The following NFRKB variants were observed in gnomAD, a reference collection of about 807,000 sequenced individuals.
NFRKB encodes nuclear factor related to kappa-B-binding protein.
In NFRKB, 62 loss-of-function variants were observed where a neutral mutation model predicts 135.7. That is an observed-to-expected ratio of 0.46 (90% CI 0.37 to 0.56). The LOEUF (loss-of-function observed/expected upper bound fraction) is 0.56. Ranked by LOEUF, NFRKB falls within the 20% of genes least tolerant of loss-of-function variation. The pLI, the probability that NFRKB is intolerant of heterozygous loss-of-function variation, is 0.00. For synonymous variants in NFRKB, 678 were observed against 635.6 expected (o/e 1.07, Z -1.00); for missense variants, 1,545 against 1,662.0 (o/e 0.93, Z 1.22).
At chr11:129,869,346 G>T (rs762162699) in intron 24 of NFRKB, 148 bp downstream of exon 24, 2 of 760,826 alleles carry the variant, frequency 2.6e-6, no homozygotes, top group Non-Finnish European at 4.1e-6. Context: ...AAATCTATTT[G>T]GGGTAAACGA....
chr11:129,870,257 G>A lies in NFRKB; in HGVS notation c.2768C>T (p.Ala923Val). Residue 923 changes from alanine (A) to valine (V), a missense_variant, in exon 24 of 27, where the codon GCA (alanine) becomes GTA (valine). By Grantham distance (64) the Ala-to-Val change is moderately conservative. Transcript: ENST00000682444. ...CTTCACACCAAGCTGCCCAGTGATT[G>A]CCACCTGAATGGGGAGAAGCAGCAC... ...VTGQNIIKQVAITGQLGVKPQ... is the reference protein window; with the variant it reads ...VTGQNIIKQVVITGQLGVKPQ... 1.9e-6 allele frequency: 3 copies of A among 1,611,776 alleles called. No homozygotes were observed. Among genetic ancestry groups the A allele is most frequent in the Non-Finnish European group, 2.5e-6 (3 of 1,178,146 alleles).
intron 1 of NFRKB, among the ~76,000 whole-genome samples, chr11:129,894,762 T>C (rs142958593): frequency 6.6e-6 from 1 of 152,328 alleles, no homozygotes; most frequent in East Asian, 1.9e-4. Context: ...ACATAGCATG[T>C]GAGTTTAACA....
intron 17 of NFRKB, among the ~76,000 whole-genome samples, 189 bp from the exon 18 acceptor site, chr11:129,875,652 CTTTTTTTTTTT>C (rs761583169): frequency 2.2e-4 from 22 of 101,808 alleles, no homozygotes; most frequent in South Asian, 3.1e-4. Flanking sequence ...CTATACACTT[CTTTTTTTTTTT>C]TTTTTTTTTT....
intron 15 of NFRKB, among the ~76,000 whole-genome samples, 173 bp downstream of exon 15, chr11:129,878,136 C>T (rs935438761): frequency 2.0e-5 from 3 of 152,204 alleles, no homozygotes; most frequent in Non-Finnish European, 4.4e-5. Flanking sequence ...GCCCCTTCCA[C>T]AAGGAGTCCC....
chr11:129,886,297 C>G lies in NFRKB; in HGVS notation c.465+20G>C. On this transcript the variant is annotated intron_variant, in intron 5 of 26. Transcript: ENST00000682444. ...CCTGTGACTGCCCACATTTTATATC[C>G]AGTTCCCAGCACTACTTACACTCCG... The G allele has an allele frequency of 6.2e-7, 1 of 1,608,036 alleles. No homozygotes were observed. The highest frequency in any genetic ancestry group is 8.5e-7 in the Non-Finnish European group (1 of 1,176,296).
chr11:129,885,621 T>C lies in NFRKB; in HGVS notation c.466-12A>G. 6.3e-7 allele frequency: 1 copy of C among 1,599,460 alleles called. No homozygotes were observed. Among genetic ancestry groups the C allele is most frequent in the Non-Finnish European group, 8.5e-7 (1 of 1,169,738 alleles). ...ATCTCCAGCAGATCCTAGGTAGAGA[T>C]CAGGTGGGGGTACAAGTCATCATCC... is the stretch of plus-strand genomic sequence containing the variant. On this transcript the variant is annotated splice_polypyrimidine_tract_variant and intron_variant, in intron 5 of 26. Coordinates refer to ENST00000682444, the MANE Select transcript of NFRKB (RefSeq NM_001143835.2).
chr11:129,893,021 C>T (rs929513777), intron 2 of NFRKB, 151 bp from the exon 3 acceptor site: 2 of 1,476,030 alleles, frequency 1.4e-6, no homozygotes, highest in Middle Eastern at 2.2e-4. Flanking sequence ...CTCCTCCCTC[C>T]CTTTCACCAC....
intron 8 of NFRKB, 44 bp downstream of exon 8, chr11:129,884,026 C>T (rs772624616): frequency 2.9e-5 from 46 of 1,599,374 alleles, no homozygotes; most frequent in Non-Finnish European, 3.8e-5. Flanking sequence ...AATCCTGAGA[C>T]ATCAGGCTGA....
chr11:129,879,149 T>C (rs1427773881), intron 13 of NFRKB, among the ~76,000 whole-genome samples: 4 of 152,268 alleles, frequency 2.6e-5, no homozygotes, highest in Non-Finnish European at 2.9e-5. Context: ...CTGCCCAGCA[T>C]AGAAGCCACA....
In NFRKB at chr11:129,874,878, A is replaced by G; in HGVS notation, c.1893T>C (p.His631=). 1 of 1,614,188 alleles carries G rather than the reference A, an allele frequency of 6.2e-7. No homozygotes were observed. Among genetic ancestry groups the G allele is most frequent in the Non-Finnish European group, 8.5e-7 (1 of 1,180,036 alleles). ...TVVSGALDRL[H]YEKDPCVKYD... ...ATTTCACACAGGGATCTTTTTCGTA[A>G]TGTAGCCGATCCAGTGCACCACTCA... The change falls in exon 19 of 27, where the codon CAT becomes CAC. Residue 631 remains histidine, a synonymous_variant. Coordinates refer to ENST00000682444, the MANE Select transcript of NFRKB (RefSeq NM_001143835.2). This position sits in a 1 kb window ranked among gnomAD's most constrained non-coding sequence, Gnocchi z 4.5.
chr11:129,892,645 A>T, intron 3 of NFRKB, 70 bp downstream of exon 3: 2 of 1,515,850 alleles, frequency 1.3e-6, no homozygotes, highest in Non-Finnish European at 1.8e-6. Context: ...TGTAGAGTGG[A>T]AAAGGTTTCC....
chr11:129,869,163 CA>C (rs1948366498), intron 24 of NFRKB, among the ~76,000 whole-genome samples: 1 of 152,204 alleles, frequency 6.6e-6, no homozygotes, highest in Non-Finnish European at 1.5e-5. Flanking sequence ...AATTAGTCTT[CA>C]TGAAGGGAGA....
At chr11:129,880,103 T>C (rs1245328392) in intron 13 of NFRKB, among the ~76,000 whole-genome samples, 2 of 152,060 alleles carry the variant, frequency 1.3e-5, no homozygotes, top group East Asian at 1.9e-4. Context: ...GGCAGGAGAA[T>C]TGCTTGAGCC....
intron 3 of NFRKB, among the ~76,000 whole-genome samples, chr11:129,889,266 A>AT (rs199796733): frequency 0.018 from 2,755 of 152,164 alleles, 82 homozygotes; most frequent in African/African-American, 0.063. Context: ...CTGGCCTAAG[A>AT]TTTTTTAAAA....
rs775941359 is a variant in NFRKB, at chr11:129,881,711, A to T, written c.1318+16T>A. 6.2e-7 allele frequency: 1 copy of T among 1,613,494 alleles called. No homozygotes were observed. The highest frequency in any genetic ancestry group is 2.2e-5 in the East Asian group (1 of 44,868). ...AAGGGGGAAAAATACTGACCCTACAAAAAAGAGCATCTTACCTCGACTTTC... is the reference window on the plus strand; with the variant it reads ...AAGGGGGAAAAATACTGACCCTACATAAAAGAGCATCTTACCTCGACTTTC... On this transcript the variant is annotated intron_variant, in intron 12 of 26. Coordinates refer to ENST00000682444, the MANE Select transcript of NFRKB (RefSeq NM_001143835.2).
rs888857560 is a variant in NFRKB at position 129,877,500 on chromosome 11, C to T, written c.1512-115G>A. On this transcript the variant is annotated intron_variant, in intron 15 of 26. Transcript: ENST00000682444. ...ATGGAAAGATGTCCCTCAAGAAGCA[C>T]TCAATTCTTACAAAGGCGAAGAGCC... is the stretch of plus-strand genomic sequence containing the variant. The T allele has an allele frequency of 4.5e-5, 44 of 980,074 alleles. No individual in the cohort carries two copies. The African/African-American group carries it at 6.9e-4, about 15-fold the overall frequency. The allele number at this position is 980,074 out of a possible 1,614,324, so 60.7% of individuals were successfully genotyped here. A position where few individuals can be genotyped will look rare whatever the true frequency, so the allele number is the denominator to read the frequency against.
chr11:129,893,401 A>AAAAG, intron 2 of NFRKB: 1 of 392,888 alleles, frequency 2.5e-6, no homozygotes, highest in Admixed American at 3.4e-5. Context: ...AAAAAAAAAA[A>AAAAG]AAAAAAAAAT....
intron 3 of NFRKB, among the ~76,000 whole-genome samples, chr11:129,891,358 T>G (rs1949551534): frequency 6.6e-6 from 1 of 152,208 alleles, no homozygotes; most frequent in Admixed American, 6.5e-5. Flanking sequence ...TTTATTAACT[T>G]TGGGCCCTGC....
rs759052463 is a variant in NFRKB, at chr11:129,883,183, C to T, written c.840G>A (p.Gly280=). Reference sequence around the variant, plus strand: ...TCATGATGTCATTGAGAGTCAGGTCCCCTGTCAAAAGGTCCGGGTGATCCT... The same window carrying T: ...TCATGATGTCATTGAGAGTCAGGTCTCCTGTCAAAAGGTCCGGGTGATCCT... ...HQPDHPDLLT[G]DLTLNDIMTR... The change falls in exon 9 of 27, where the codon GGG becomes GGA. Residue 280 remains glycine (G), a synonymous_variant. Coordinates refer to ENST00000682444, the MANE Select transcript of NFRKB (RefSeq NM_001143835.2). 1.9e-6 allele frequency: 3 copies of T among 1,613,994 alleles called. No individual in the cohort carries two copies. Among genetic ancestry groups the T allele is most frequent in the Non-Finnish European group, 2.5e-6 (3 of 1,180,006 alleles).
Sources: allele counts gnomAD v4.1 joint callset (sites outside exome capture counted in the v4.1 genomes callset), GRCh38; gene constraint gnomAD v4.1.1; non-coding constraint Gnocchi (gnomAD v3.1); transcripts MANE v1.5; gene names NCBI Gene and HGNC (gene_info 2026-07-23, HGNC 2026-07-21).